The following RASAL2 variants were observed in gnomAD, a reference collection of about 807,000 sequenced individuals.
The protein encoded by RASAL2 is ras GTPase-activating protein nGAP.
RASAL2 carries 58 observed loss-of-function variants against 128.9 expected under a neutral mutation model. The ratio of observed to expected loss-of-function variants is 0.45; its 90% CI spans 0.36 to 0.56. RASAL2 has a LOEUF of 0.56. RASAL2 is among the 20% of genes least tolerant of loss of function. The pLI, the probability that RASAL2 is intolerant of heterozygous loss-of-function variation, is 0.00. For synonymous variants in RASAL2, 561 were observed against 580.8 expected (o/e 0.97, Z 0.49); for missense variants, 1,360 against 1,601.6 (o/e 0.85, Z 2.57).
At chr1:178,319,171 T>A (rs1287066738) in intron 3 of RASAL2, among the ~76,000 whole-genome samples, 1 of 152,184 alleles carries the variant, frequency 6.6e-6, no homozygotes, top group Non-Finnish European at 1.5e-5. Context: ...CCGCTGTTAG[T>A]CTGATGGGCT....
At chr1:178,222,792 A>G (rs1363797485) in intron 1 of RASAL2, among the ~76,000 whole-genome samples, 4 of 152,180 alleles carry the variant, frequency 2.6e-5, no homozygotes, top group Non-Finnish European at 5.9e-5. Context: ...AACAGGCCAG[A>G]TAATAGTTTG....
In RASAL2 at chr1:178,183,216, C is replaced by A. The variant is rs142631354; in HGVS notation, c.202+88522C>A. 5.3e-5 allele frequency among the ~76,000 whole-genome samples: 8 copies of A among 152,314 alleles called. No homozygotes were observed. The East Asian group carries it at 1.5e-3, about 29-fold the overall frequency. ...GTTTCCAGGGTTACTTAGGACAGCACCCTTTCCCACCCACCATCTTCAGTA... is the reference window on the plus strand; with the variant it reads ...GTTTCCAGGGTTACTTAGGACAGCAACCTTTCCCACCCACCATCTTCAGTA... On this transcript the variant is annotated intron_variant, in intron 1 of 17. Coordinates refer to ENST00000367649, the MANE Select transcript of RASAL2 (RefSeq NM_170692.4).
At chr1:178,345,705 G>A (rs1483618339) in intron 3 of RASAL2, among the ~76,000 whole-genome samples, 1 of 152,146 alleles carries the variant, frequency 6.6e-6, no homozygotes, top group Non-Finnish European at 1.5e-5. Context: ...GGAATATGAA[G>A]TTTCAGGTAA....
At chr1:178,248,487 G>A (rs141556778) in intron 1 of RASAL2, among the ~76,000 whole-genome samples, 200 of 152,174 alleles carry the variant, frequency 1.3e-3, no homozygotes, top group Non-Finnish European at 1.9e-3. Context: ...GATGGGTCTT[G>A]ACCCTTTATC....
chr1:178,255,029 T>G (rs1665256133), intron 1 of RASAL2, among the ~76,000 whole-genome samples: 1 of 151,810 alleles, frequency 6.6e-6, no homozygotes, highest in Non-Finnish European at 1.5e-5. Context: ...CTGAAAGTAC[T>G]CCGGAAAAAA....
chr1:178,396,031 A>T (rs1333147711), intron 4 of RASAL2, among the ~76,000 whole-genome samples: 8 of 150,848 alleles, frequency 5.3e-5, no homozygotes, highest in Non-Finnish European at 1.0e-4. Context: ...CAGAGCAGAG[A>T]AAAAAAAAGA....
intron 1 of RASAL2, among the ~76,000 whole-genome samples, chr1:178,118,856 GT>G (rs34608577): frequency 0.99 from 147,210 of 148,156 alleles, 73,134 homozygotes; most frequent in Admixed American, 1. Flanking sequence ...AATTGAGCAG[GT>G]TTTTTTTTTT....
chr1:178,412,074 A>AG lies in RASAL2; in HGVS notation c.565-8436dup, dbSNP rs751515706. ...TTGCCATCATGTGAAAAAAAAAAAAAGAGTAGGTGGCTGAAGGGGAGGATA... is the reference window on the plus strand; with the variant it reads ...TTGCCATCATGTGAAAAAAAAAAAAAGGAGTAGGTGGCTGAAGGGGAGGATA... On this transcript the variant is annotated intron_variant, in intron 4 of 17. Coordinates refer to ENST00000367649, the MANE Select transcript of RASAL2 (RefSeq NM_170692.4). 221 of 349,252 alleles carry AG rather than the reference A, an allele frequency of 6.3e-4. 1 individual carries two copies. The East Asian group carries it at 0.012, about 19-fold the overall frequency. The allele number at this position is 349,252 out of a possible 1,614,324, so 21.6% of individuals were successfully genotyped here. A position where few individuals can be genotyped will look rare whatever the true frequency, so the allele number is the denominator to read the frequency against.
chr1:178,304,997 G>A (rs888689334), intron 3 of RASAL2, among the ~76,000 whole-genome samples: 1 of 152,102 alleles, frequency 6.6e-6, no homozygotes, highest in Non-Finnish European at 1.5e-5. Flanking sequence ...TGGCATTTCT[G>A]TATGTTAACA....
At chr1:178,314,939 C>A (rs1243299813) in intron 3 of RASAL2, among the ~76,000 whole-genome samples, 3 of 119,208 alleles carry the variant, frequency 2.5e-5, no homozygotes, top group East Asian at 2.9e-4. Context: ...TCCCTCCCCC[C>A]TCCCCCCACC....
intron 17 of RASAL2, among the ~76,000 whole-genome samples, chr1:178,471,606 TTTG>T (rs1648281253): frequency 1.3e-5 from 2 of 151,906 alleles, no homozygotes. Flanking sequence ...CAAGAGCTAG[TTTG>T]TTGTTGTTTC....
chr1:178,184,649 T>C (rs1662228231), intron 1 of RASAL2, among the ~76,000 whole-genome samples: 1 of 152,096 alleles, frequency 6.6e-6, no homozygotes, highest in South Asian at 2.1e-4. Context: ...TGTGTCTTTT[T>C]CCAGTCTCTC....
chr1:178,453,950 T>C (rs184928356), intron 11 of RASAL2, among the ~76,000 whole-genome samples: 3 of 152,200 alleles, frequency 2.0e-5, no homozygotes, highest in East Asian at 3.9e-4. Flanking sequence ...AAAATATTTA[T>C]ATTTTATTTT....
chr1:178,455,212 G>A (rs1012403519), intron 12 of RASAL2, among the ~76,000 whole-genome samples: 23 of 152,112 alleles, frequency 1.5e-4, no homozygotes, highest in Middle Eastern at 3.4e-3. Flanking sequence ...ATTATATACC[G>A]TATTAATAAG....
chr1:178,412,022 C>T, intron 4 of RASAL2: 1 of 471,296 alleles, frequency 2.1e-6, no homozygotes, highest in Non-Finnish European at 3.9e-6. Flanking sequence ...GTGAACAAGA[C>T]TCCTCAAAAT....
At chr1:178,111,513 A>T (rs1659322292) in intron 1 of RASAL2, among the ~76,000 whole-genome samples, 1 of 152,086 alleles carries the variant, frequency 6.6e-6, no homozygotes, top group African/African-American at 2.4e-5. Flanking sequence ...TCCTACCAGC[A>T]GTGTACGTAG....
chr1:178,269,042 G>A (rs1332214435), intron 1 of RASAL2, among the ~76,000 whole-genome samples: 1 of 152,190 alleles, frequency 6.6e-6, no homozygotes, highest in Non-Finnish European at 1.5e-5. Context: ...CTATCTGAGT[G>A]TGCTGTATTT....
intron 1 of RASAL2, among the ~76,000 whole-genome samples, chr1:178,222,603 T>A (rs528712350): frequency 4.6e-5 from 7 of 152,232 alleles, no homozygotes; most frequent in African/African-American, 1.7e-4. Flanking sequence ...ATTGCCTGAT[T>A]ATTTATCAGA....
chr1:178,224,206 G>A (rs1384683863), intron 1 of RASAL2, among the ~76,000 whole-genome samples: 1 of 151,244 alleles, frequency 6.6e-6, no homozygotes, highest in African/African-American at 2.4e-5. Flanking sequence ...TGTGATCAGA[G>A]GTTAGGGGAA....
Sources: allele counts gnomAD v4.1 joint callset (sites outside exome capture counted in the v4.1 genomes callset), GRCh38; gene constraint gnomAD v4.1.1; transcripts MANE v1.5; gene names NCBI Gene and HGNC (gene_info 2026-07-23, HGNC 2026-07-21).